Variants in SLC24A4 observed in about 807,000 individuals in gnomAD.
The protein encoded by SLC24A4 is solute carrier family 24 member 4, also known as sodium/potassium/calcium exchanger 4.
In SLC24A4, 53 loss-of-function variants were observed where a neutral mutation model predicts 79.0. That is an observed-to-expected ratio of 0.67 (90% CI 0.54 to 0.84). The LOEUF is 0.84. SLC24A4 is among the 40% of genes least tolerant of loss of function. SLC24A4 has a pLI of 0.00. For synonymous variants in SLC24A4, 323 were observed against 323.8 expected (o/e 1.00, Z 0.03); for missense variants, 731 against 822.0 (o/e 0.89, Z 1.35).
In SLC24A4 at chr14:92,496,324, T is replaced by C. The variant is rs1227304741; in HGVS notation, c.*2696T>C. 6.6e-6 allele frequency: 1 copy of C among 152,568 alleles called. No individual in the cohort carries two copies. Among genetic ancestry groups the C allele is most frequent in the Non-Finnish European group, 1.5e-5 (1 of 68,038 alleles). 9.5% of individuals were successfully genotyped at this position (152,568 alleles called of 1,614,324 possible). ...TCCATCACAAATTTAAAGAATTGCATGATTAATTAGGCTTTCATTTTTAAA... is the reference window on the plus strand; with the variant it reads ...TCCATCACAAATTTAAAGAATTGCACGATTAATTAGGCTTTCATTTTTAAA... On this transcript the variant is annotated 3_prime_UTR_variant, in exon 17 of 17. Coordinates refer to ENST00000532405, the MANE Select transcript of SLC24A4 (RefSeq NM_153646.4).
chr14:92,380,185 C>T (rs1185901944), intron 2 of SLC24A4, among the ~76,000 whole-genome samples: 5 of 152,206 alleles, frequency 3.3e-5, no homozygotes, highest in East Asian at 3.9e-4. Flanking sequence ...TGGCAGTGAC[C>T]GAGAGCAGAT....
At position 92,349,079 on chromosome 14, in the gene SLC24A4, G is replaced by GT. The variant is rs750056423; in HGVS notation, c.241+23102dup. On this transcript the variant is annotated intron_variant, in intron 2 of 16. Transcript: ENST00000532405. Reference sequence around the variant, plus strand: ...AAATGGGATAACCCCCCTCTTCCAGGTAAAAAAAAAAAGGCCTGTGTAAGG... The same window carrying GT: ...AAATGGGATAACCCCCCTCTTCCAGGTTAAAAAAAAAAAGGCCTGTGTAAGG... 1.3e-4 allele frequency among the ~76,000 whole-genome samples: 19 copies of GT among 149,114 alleles called. No individual in the cohort carries two copies. The South Asian group carries it at 3.4e-3, about 27-fold the overall frequency.
At chr14:92,434,745 T>C (rs190394104) in intron 3 of SLC24A4, among the ~76,000 whole-genome samples, 112 of 152,304 alleles carry the variant, frequency 7.4e-4, no homozygotes, top group Non-Finnish European at 1.3e-3. Context: ...GTTAATTGGG[T>C]TAAATGCATT....
chr14:92,343,649 C>CTCT (rs1566700142), intron 2 of SLC24A4, among the ~76,000 whole-genome samples: 11 of 113,354 alleles, frequency 9.7e-5, no homozygotes, highest in African/African-American at 2.9e-4. Flanking sequence ...TCTCTCTTTC[C>CTCT]TTCTTTCCTT....
At chr14:92,461,327 G>A (rs897206330) in intron 12 of SLC24A4, among the ~76,000 whole-genome samples, 1 of 152,232 alleles carries the variant, frequency 6.6e-6, no homozygotes, top group East Asian at 1.9e-4. Flanking sequence ...CACTAAGCAG[G>A]AAATGGGGAA....
At chr14:92,483,761 T>C (rs1315728699) in intron 13 of SLC24A4, 28 of 1,289,932 alleles carry the variant, frequency 2.2e-5, no homozygotes, top group Non-Finnish European at 2.8e-5. Flanking sequence ...CCAGCATGGC[T>C]GCAGTTCTGT....
chr14:92,388,932 G>A (rs1003253130), intron 2 of SLC24A4, among the ~76,000 whole-genome samples: 20 of 152,178 alleles, frequency 1.3e-4, no homozygotes, highest in Non-Finnish European at 2.6e-4. Flanking sequence ...CCCCAGTCCA[G>A]ACTTTGCGTT....
chr14:92,469,114 A>C (rs1352535952), intron 12 of SLC24A4, among the ~76,000 whole-genome samples: 1 of 152,174 alleles, frequency 6.6e-6, no homozygotes, highest in Non-Finnish European at 1.5e-5. Flanking sequence ...GCCATTTCAC[A>C]CCCACTAGAA....
At chr14:92,361,918 C>T (rs535719898) in intron 2 of SLC24A4, among the ~76,000 whole-genome samples, 5 of 152,052 alleles carry the variant, frequency 3.3e-5, no homozygotes, top group South Asian at 2.1e-4. Context: ...TATGGCATCT[C>T]AAAGGGGAGG....
At chr14:92,331,535 G>T (rs1885479396) in intron 2 of SLC24A4, among the ~76,000 whole-genome samples, 1 of 152,148 alleles carries the variant, frequency 6.6e-6, no homozygotes, top group African/African-American at 2.4e-5. Context: ...TGTCTGCCTT[G>T]GCCTCCCAAA....
intron 3 of SLC24A4, among the ~76,000 whole-genome samples, chr14:92,437,457 A>C (rs1892239694): frequency 6.6e-6 from 1 of 152,206 alleles, no homozygotes; most frequent in African/African-American, 2.4e-5. Flanking sequence ...GAACAGAGGG[A>C]TGGGCCAGAG....
At chr14:92,357,748 G>A (rs1887262223) in intron 2 of SLC24A4, among the ~76,000 whole-genome samples, 1 of 152,230 alleles carries the variant, frequency 6.6e-6, no homozygotes, top group African/African-American at 2.4e-5. Flanking sequence ...GATGGAAAGA[G>A]TTCTGGCGCT....
intron 3 of SLC24A4, among the ~76,000 whole-genome samples, chr14:92,437,993 A>C (rs1321180437): frequency 6.6e-6 from 1 of 152,192 alleles, no homozygotes; most frequent in Non-Finnish European, 1.5e-5. Context: ...AACACACAAC[A>C]AAATGCGTGT....
At chr14:92,410,798 G>T (rs1890666892) in intron 2 of SLC24A4, among the ~76,000 whole-genome samples, 1 of 152,244 alleles carries the variant, frequency 6.6e-6, no homozygotes, top group South Asian at 2.1e-4. Context: ...GGTCTGCCTT[G>T]CCTCTGCGGT....
chr14:92,373,305 A>G (rs1888311739), intron 2 of SLC24A4, among the ~76,000 whole-genome samples: 1 of 151,912 alleles, frequency 6.6e-6, no homozygotes. Flanking sequence ...CAGCCTCCCA[A>G]ACTGCTGGGA....
At chr14:92,352,587 G>A (rs1886956149) in intron 2 of SLC24A4, among the ~76,000 whole-genome samples, 1 of 152,192 alleles carries the variant, frequency 6.6e-6, no homozygotes, top group South Asian at 2.1e-4. Flanking sequence ...ACTGTTAGAT[G>A]TGTGACATCC....
chr14:92,474,074 C>A (rs1894581812), intron 12 of SLC24A4, among the ~76,000 whole-genome samples: 1 of 152,200 alleles, frequency 6.6e-6, no homozygotes, highest in Admixed American at 6.5e-5. Flanking sequence ...GGTTCTCTAA[C>A]TTTTCCATTC....
At chr14:92,372,814 C>T (rs1888244929) in intron 2 of SLC24A4, among the ~76,000 whole-genome samples, 1 of 151,804 alleles carries the variant, frequency 6.6e-6, no homozygotes, top group Non-Finnish European at 1.5e-5. Context: ...GGACATTGTA[C>T]ATCACATTAC....
At chr14:92,384,407 G>A (rs1264871780) in intron 2 of SLC24A4, among the ~76,000 whole-genome samples, 3 of 151,936 alleles carry the variant, frequency 2.0e-5, no homozygotes, top group African/African-American at 2.4e-5. Context: ...TAATGGAGCA[G>A]GGGTTTAAGA....
Sources: allele counts gnomAD v4.1 joint callset (sites outside exome capture counted in the v4.1 genomes callset), GRCh38; gene constraint gnomAD v4.1.1; transcripts MANE v1.5; gene names NCBI Gene and HGNC (gene_info 2026-07-23, HGNC 2026-07-21).